Variants in LATS1 observed in about 807,000 individuals in gnomAD.
The protein encoded by LATS1 is serine/threonine-protein kinase LATS1.
LATS1 carries 25 observed loss-of-function variants against 106.6 expected under a neutral mutation model. The ratio of observed to expected loss-of-function variants is 0.23; its 90% CI spans 0.17 to 0.33. LATS1 has a LOEUF of 0.33. Ranked by LOEUF, LATS1 falls within the 10% of genes least tolerant of loss-of-function variation. The pLI is 1.00. For missense variants in LATS1, 1,040 were observed against 1,382.6 expected, an observed-to-expected ratio of 0.75 and a Z score of 3.93; for synonymous variants, 465 against 455.6, an observed-to-expected ratio of 1.02 and a Z score of -0.26.
chr6:149,680,207 C>G lies in LATS1; in HGVS notation c.2261G>C (p.Arg754Thr). 6.2e-7 allele frequency: 1 copy of G among 1,614,110 alleles called. No individual in the cohort carries two copies. The highest frequency in any genetic ancestry group is 8.5e-7 in the Non-Finnish European group (1 of 1,179,986). Residue 754 changes from arginine to threonine, a missense_variant, in exon 5 of 8, where the codon AGA becomes ACA. Arg to Thr is a moderately conservative substitution (Grantham distance 71). This residue lies in a region of LATS1 where 167 missense variants were observed against 332.1 expected (regional missense o/e 0.50). Transcript: ENST00000543571. ...ATTGTCAGCTTCAGCCAGGATATCT[C>G]TCTCAGCCTTAACATGAGCGACTTG... The part of the protein sequence containing the change: ...RNQVAHVKAE[R>T]DILAEADNEW...
rs954311040 is a variant in LATS1 at position 149,658,445 on chromosome 6, C to T, written c.*3284G>A. ...CCTTCCACAAAGGGATATATTAAGG[C>T]GCTTTACAAATATACCAATATTTTG... On this transcript the variant is annotated 3_prime_UTR_variant, in exon 8 of 8. Transcript: ENST00000543571. 1.3e-5 allele frequency: 2 copies of T among 152,012 alleles called. No individual in the cohort carries two copies. The highest frequency in any genetic ancestry group is 2.9e-5 in the Non-Finnish European group (2 of 67,982). The allele number at this position is 152,012 out of a possible 1,614,324, so 9.4% of individuals were successfully genotyped here.
Position 149,660,219 on chromosome 6 carries a change from C to G in LATS1, c.*1510G>C, listed in dbSNP as rs1780836881. ...TCAGATTCTCAAAAGAACCACTAAC[C>G]CCAAAAGACGCACGATAACACAGTA... On this transcript the variant is annotated 3_prime_UTR_variant, in exon 8 of 8. Coordinates refer to ENST00000543571, the MANE Select transcript of LATS1 (RefSeq NM_004690.4). 1 of 232,772 alleles carries G rather than the reference C, an allele frequency of 4.3e-6. No homozygotes were observed. The highest frequency in any genetic ancestry group is 8.5e-6 in the Non-Finnish European group (1 of 117,864). The allele number at this position is 232,772 out of a possible 1,614,324, so 14.4% of individuals were successfully genotyped here. A position where few individuals can be genotyped will look rare whatever the true frequency, so the allele number is the denominator to read the frequency against.
rs925989207 is a variant in LATS1, at chr6:149,718,048, C to G, written c.-340G>C. Reference sequence around the variant, plus strand: ...TCTCCCCTTAACACCAGGCCACCGCCGCCGCCGCCGCCATTTTGCCTTCCA... The same window carrying G: ...TCTCCCCTTAACACCAGGCCACCGCGGCCGCCGCCGCCATTTTGCCTTCCA... On this transcript the variant is annotated 5_prime_UTR_variant, in exon 1 of 8. Coordinates refer to ENST00000543571, the MANE Select transcript of LATS1 (RefSeq NM_004690.4). The G allele has an allele frequency of 6.1e-6, 2 of 326,120 alleles. No individual in the cohort carries two copies. Among genetic ancestry groups the G allele is most frequent in the East Asian group, 3.3e-4 (2 of 6,024 alleles). 20.2% of individuals were successfully genotyped at this position (326,120 alleles called of 1,614,324 possible).
chr6:149,682,183 A>C (rs1782075084), intron 4 of LATS1, among the ~76,000 whole-genome samples: 2 of 152,076 alleles, frequency 1.3e-5, no homozygotes, highest in Non-Finnish European at 2.9e-5. Flanking sequence ...CACAGATTAA[A>C]GTGTGTTTAC....
intron 4 of LATS1, among the ~76,000 whole-genome samples, chr6:149,682,764 T>C (rs1782124937): frequency 6.6e-6 from 1 of 152,170 alleles, no homozygotes; most frequent in African/African-American, 2.4e-5. Flanking sequence ...AGATATTGTA[T>C]GAAGCCTAGA....
At chr6:149,708,685 T>C (rs1562357671) in intron 1 of LATS1, among the ~76,000 whole-genome samples, 1 of 151,736 alleles carries the variant, frequency 6.6e-6, no homozygotes, top group Non-Finnish European at 1.5e-5. Context: ...GTAGGTTACA[T>C]TCTGAGATGG....
chr6:149,678,418 T>C (rs1174559969), intron 5 of LATS1, among the ~76,000 whole-genome samples: 1 of 152,036 alleles, frequency 6.6e-6, no homozygotes, highest in African/African-American at 2.4e-5. Context: ...GATCAAAAGA[T>C]GGGAATAGAG....
chr6:149,678,811 A>G (rs977363570), intron 5 of LATS1, among the ~76,000 whole-genome samples: 1 of 152,172 alleles, frequency 6.6e-6, no homozygotes, highest in African/African-American at 2.4e-5. Context: ...GACCTTGGGC[A>G]AGTTACTTCA....
chr6:149,684,048 C>T lies in LATS1; in HGVS notation c.1041G>A (p.Met347Ile), dbSNP rs565446409. The T allele has an allele frequency of 3.7e-6, 6 of 1,614,130 alleles. No individual in the cohort carries two copies. In the South Asian group the frequency reaches 6.6e-5, roughly 18 times the overall value. ...AATCAGTTTGTCCAGTACCATTCTGCATTCCAGGTCTCCCTGATGGAAAGT... is the reference window on the plus strand; with the variant it reads ...AATCAGTTTGTCCAGTACCATTCTGTATTCCAGGTCTCCCTGATGGAAAGT... ...KFNFPSGRPG[M>I]QNGTGQTDFM... Residue 347 changes from methionine (M) to isoleucine (I), a missense_variant, in exon 4 of 8, where the codon ATG becomes ATA. Coordinates refer to ENST00000543571, the MANE Select transcript of LATS1 (RefSeq NM_004690.4).
intron 1 of LATS1, among the ~76,000 whole-genome samples, chr6:149,706,986 T>C (rs1187492834): frequency 6.6e-6 from 1 of 151,050 alleles, no homozygotes; most frequent in Non-Finnish European, 1.5e-5. Flanking sequence ...CAAAATGGGA[T>C]CATAATACAC....
At chr6:149,691,621 T>C (rs1453430728) in intron 3 of LATS1, among the ~76,000 whole-genome samples, 1 of 152,180 alleles carries the variant, frequency 6.6e-6, no homozygotes, top group Non-Finnish European at 1.5e-5. Flanking sequence ...TTTTCACCTA[T>C]TTCTTCTCTG....
chr6:149,669,709 A>G (rs948806717), intron 7 of LATS1, among the ~76,000 whole-genome samples: 2 of 151,968 alleles, frequency 1.3e-5, no homozygotes, highest in East Asian at 3.9e-4. Context: ...CAGTGAGCTG[A>G]GATCACGACC....
intron 7 of LATS1, among the ~76,000 whole-genome samples, chr6:149,671,991 C>G (rs1180846341): frequency 1.3e-5 from 2 of 151,200 alleles, no homozygotes; most frequent in Non-Finnish European, 2.9e-5. Context: ...CAGATTCAAG[C>G]TATTTTCCTG....
At chr6:149,704,205 G>C (rs1312839556) in intron 1 of LATS1, among the ~76,000 whole-genome samples, 1 of 152,126 alleles carries the variant, frequency 6.6e-6, no homozygotes, top group Non-Finnish European at 1.5e-5. Flanking sequence ...ATTTATCCAT[G>C]TTGGTCAGGC....
intron 7 of LATS1, among the ~76,000 whole-genome samples, chr6:149,669,091 G>A (rs919826766): frequency 9.2e-5 from 14 of 151,928 alleles, no homozygotes; most frequent in African/African-American, 3.4e-4. Flanking sequence ...CCAAAGCGCT[G>A]GGATTACAGG....
At chr6:149,709,825 G>A (rs1193187204) in intron 1 of LATS1, among the ~76,000 whole-genome samples, 4 of 151,830 alleles carry the variant, frequency 2.6e-5, no homozygotes, top group African/African-American at 2.4e-5. Flanking sequence ...ACAGGCGTGC[G>A]CTACCATGCC....
intron 3 of LATS1, among the ~76,000 whole-genome samples, chr6:149,687,586 T>C (rs1782464676): frequency 1.3e-5 from 2 of 151,586 alleles, no homozygotes; most frequent in African/African-American, 4.9e-5. Flanking sequence ...TGCATCACCA[T>C]GCCCAGCTAA....
chr6:149,717,692 T>C (rs1784488237), intron 1 of LATS1, 157 bp downstream of exon 1: 1 of 195,210 alleles, frequency 5.1e-6, no homozygotes, highest in African/African-American at 2.4e-5. Flanking sequence ...CTCGGGTCAA[T>C]GCAACCAGCC....
intron 1 of LATS1, among the ~76,000 whole-genome samples, chr6:149,715,031 T>C (rs1347351236): frequency 6.6e-6 from 1 of 152,132 alleles, no homozygotes; most frequent in Non-Finnish European, 1.5e-5. Flanking sequence ...AATTTCATCA[T>C]GTAGATGTAC....
Sources: gnomAD v4.1 joint callset for allele counts (sites outside exome capture counted in the v4.1 genomes callset) on GRCh38, gnomAD v4.1.1 for gene constraint, gnomAD v4.1.1 regional missense constraint, MANE v1.5 for transcripts, NCBI Gene and HGNC (gene_info 2026-07-23, HGNC 2026-07-21) for gene names.